The following DPP6 variants were observed in gnomAD, a reference collection of about 807,000 sequenced individuals.
DPP6 encodes A-type potassium channel modulatory protein DPP6.
DPP6 carries 69 observed loss-of-function variants against 122.6 expected under a neutral mutation model. That is an observed-to-expected ratio of 0.56 (90% CI 0.46 to 0.69). The LOEUF (loss-of-function observed/expected upper bound fraction) is 0.69, where lower values mean the gene tolerates loss of function less well. Among genes scored for constraint, DPP6 ranks in the 30% least tolerant of loss-of-function variants. The pLI is 0.00. For synonymous variants in DPP6, 418 were observed against 433.1 expected, an observed-to-expected ratio of 0.97 and a Z score of 0.43; for missense variants, 928 against 1,116.9, an observed-to-expected ratio of 0.83 and a Z score of 2.41.
chr7:153,843,546 A>G, the DPP6 span, among the ~76,000 whole-genome samples: 3 of 152,254 alleles, frequency 2.0e-5, no homozygotes, highest in East Asian at 1.9e-4. Context: ...GATGCCACCA[A>G]TGCACTGGAT....
In DPP6 at chr7:154,762,446, G is replaced by T. The variant is rs531037333; in HGVS notation, c.884-6971G>T. ...GAATAACCCCTAACCACAAATAATG[G>T]CAAGAAGTATCCATGGAGGCATCTT... On this transcript the variant is annotated intron_variant, in intron 8 of 25. Transcript: ENST00000377770. Among the ~76,000 whole-genome samples the T allele has an allele frequency of 1.9e-4, 29 of 152,264 alleles. No individual in the cohort carries two copies. In the South Asian group the frequency reaches 5.8e-3, roughly 31 times the overall value.
chr7:154,795,739 A>C (rs1448272501), intron 11 of DPP6, 106 bp from the exon 12 acceptor site: 2 of 1,502,240 alleles, frequency 1.3e-6, no homozygotes, highest in Non-Finnish European at 8.9e-7. Flanking sequence ...CATGTAGGTG[A>C]AGCCAAATTG....
intron 1 of DPP6, among the ~76,000 whole-genome samples, chr7:154,019,322 A>C (rs1300841554): frequency 6.6e-6 from 1 of 152,074 alleles, no homozygotes; most frequent in Non-Finnish European, 1.5e-5. Context: ...TCAAATATTT[A>C]TCTGCCTCTA....
Position 154,271,305 on chromosome 7 carries a change from G to A in DPP6, c.244-174909G>A, listed in dbSNP as rs1417700767. Among the ~76,000 whole-genome samples, 5 of 152,210 alleles carry A rather than the reference G, an allele frequency of 3.3e-5. No homozygotes were observed. In the East Asian group the frequency reaches 7.8e-4, roughly 24 times the overall value. ...CTCTCTGGGGTAGCAAACTCAGAGG[G>A]GACAAAAATGACAGCTCTACTATTG... On this transcript the variant is annotated intron_variant, in intron 1 of 25. Coordinates refer to ENST00000377770, the MANE Select transcript of DPP6 (RefSeq NM_130797.4).
chr7:154,166,416 G>A (rs576152446), intron 1 of DPP6, among the ~76,000 whole-genome samples: 30 of 152,192 alleles, frequency 2.0e-4, no homozygotes, highest in African/African-American at 5.8e-4. Context: ...GGAGCATTGC[G>A]GGAGCACTGT....
At chr7:154,050,884 T>C (rs1800269988), upstream of DPP6, among the ~76,000 whole-genome samples, 1 of 146,912 alleles carries the variant, frequency 6.8e-6, no homozygotes, top group Admixed American at 6.8e-5. Context: ...CAAATTTTGG[T>C]TAAACCAAAA....
At chr7:153,953,565 G>T (rs1423009014) in intron 1 of DPP6, among the ~76,000 whole-genome samples, 3 of 152,162 alleles carry the variant, frequency 2.0e-5, no homozygotes, top group Non-Finnish European at 2.9e-5. Flanking sequence ...TGCCCTCGCT[G>T]CATGGGCCTG....
intron 3 of DPP6, among the ~76,000 whole-genome samples, chr7:154,526,926 G>A (rs935397833): frequency 1.3e-5 from 2 of 152,132 alleles, no homozygotes; most frequent in African/African-American, 4.8e-5. Context: ...GAGAAACATG[G>A]TGAAAACACA....
chr7:153,935,342 C>G (rs115851499), intron 1 of DPP6, among the ~76,000 whole-genome samples: 1 of 152,082 alleles, frequency 6.6e-6, no homozygotes, highest in Non-Finnish European at 1.5e-5. Flanking sequence ...CTAACCCTAG[C>G]GTTAGTCATG....
intron 8 of DPP6, among the ~76,000 whole-genome samples, chr7:154,728,213 G>A (rs916075586): frequency 4.5e-4 from 69 of 152,306 alleles, no homozygotes; most frequent in Non-Finnish European, 7.9e-4. Context: ...GTCAGGAGGT[G>A]ACTTCTGGGA....
chr7:154,279,018 T>G (rs973101166), intron 1 of DPP6, among the ~76,000 whole-genome samples: 8 of 151,644 alleles, frequency 5.3e-5, no homozygotes, highest in African/African-American at 1.7e-4. Flanking sequence ...TACCTGTGCT[T>G]GTTGTGTGGT....
At chr7:154,832,789 G>C (rs986134729) in intron 16 of DPP6, among the ~76,000 whole-genome samples, 1 of 152,216 alleles carries the variant, frequency 6.6e-6, no homozygotes, top group Admixed American at 6.5e-5. Context: ...CTGCACATTT[G>C]TGCTTCTCCT....
the DPP6 span, among the ~76,000 whole-genome samples, chr7:153,778,726 AG>A: frequency 6.6e-6 from 1 of 152,072 alleles, no homozygotes; most frequent in South Asian, 2.1e-4. Flanking sequence ...AGCCTCATAC[AG>A]GGCTGGTGGA....
At chr7:154,541,539 A>G (rs1034539311) in intron 4 of DPP6, among the ~76,000 whole-genome samples, 2 of 152,246 alleles carry the variant, frequency 1.3e-5, no homozygotes, top group African/African-American at 4.8e-5. Flanking sequence ...AAAGAGAATT[A>G]ACATTTTGTT....
chr7:154,410,176 G>A (rs1437007596), intron 1 of DPP6, among the ~76,000 whole-genome samples: 1 of 152,170 alleles, frequency 6.6e-6, no homozygotes, highest in Non-Finnish European at 1.5e-5. Flanking sequence ...AAGATACGTG[G>A]AAACAGAGCT....
the DPP6 span, among the ~76,000 whole-genome samples, chr7:153,823,444 G>A: frequency 1.4e-5 from 2 of 146,330 alleles, no homozygotes; most frequent in Non-Finnish European, 3.0e-5. Flanking sequence ...GCGGGGGGAT[G>A]AAGAGTTGGG....
intron 18 of DPP6, among the ~76,000 whole-genome samples, chr7:154,872,280 G>T (rs3778741): frequency 6.6e-6 from 1 of 152,114 alleles, no homozygotes; most frequent in Non-Finnish European, 1.5e-5. Context: ...CTTTGTTGCC[G>T]CAGGCAGCCC....
At chr7:153,884,970 C>T (rs1014483874), upstream of DPP6, among the ~76,000 whole-genome samples, 29 of 129,846 alleles carry the variant, frequency 2.2e-4, no homozygotes, top group Non-Finnish European at 6.2e-5. Flanking sequence ...CAAAGCAAGA[C>T]TCCGTCTCAA....
At chr7:154,005,725 C>T (rs912954314) in intron 1 of DPP6, among the ~76,000 whole-genome samples, 1 of 149,954 alleles carries the variant, frequency 6.7e-6, no homozygotes, top group Non-Finnish European at 1.5e-5. Flanking sequence ...GCTGGGGGTG[C>T]TGGAGCAGGG....
Sources: gnomAD v4.1 joint callset for allele counts (sites outside exome capture counted in the v4.1 genomes callset) on GRCh38, gnomAD v4.1.1 for gene constraint, MANE v1.5 for transcripts, NCBI Gene and HGNC (gene_info 2026-07-23, HGNC 2026-07-21) for gene names.